ZNF385D: variants seen among roughly 807,000 people sequenced by gnomAD.
ZNF385D encodes zinc finger protein 659.
ZNF385D carries 15 observed loss-of-function variants against 35.8 expected under a neutral mutation model. The observed-to-expected ratio is 0.42, with a 90% CI of 0.28 to 0.64. The LOEUF (loss-of-function observed/expected upper bound fraction) is 0.64, where lower values mean the gene tolerates loss of function less well. Ranked by LOEUF, ZNF385D falls within the 30% of genes least tolerant of loss-of-function variation. The pLI is 0.23. For missense variants in ZNF385D, 474 were observed against 494.6 expected (o/e 0.96, Z 0.39); for synonymous variants, 212 against 186.8 (o/e 1.13, Z -1.10).
At chr3:22,215,224 T>C (rs1331998310) in intron 2 of ZNF385D, among the ~76,000 whole-genome samples, 3 of 151,950 alleles carry the variant, frequency 2.0e-5, no homozygotes, top group African/African-American at 7.3e-5. Flanking sequence ...GTTTGAACAA[T>C]ACGAAATCTG....
chr3:21,815,456 A>G (rs1212207259), intron 3 of ZNF385D, among the ~76,000 whole-genome samples: 1 of 152,206 alleles, frequency 6.6e-6, no homozygotes, highest in African/African-American at 2.4e-5. Flanking sequence ...TAAAGAAGAA[A>G]AGAGAGAAGA....
intron 3 of ZNF385D, among the ~76,000 whole-genome samples, chr3:21,805,300 T>A (rs1328474221): frequency 6.7e-6 from 1 of 148,918 alleles, no homozygotes; most frequent in Non-Finnish European, 1.5e-5. Flanking sequence ...AGATTTCTTG[T>A]AAATGTGGGT....
intron 3 of ZNF385D, among the ~76,000 whole-genome samples, chr3:21,778,559 C>T (rs887940627): frequency 6.6e-6 from 1 of 151,782 alleles, no homozygotes; most frequent in African/African-American, 2.4e-5. Context: ...GAGCATGGTT[C>T]GCGAAAAACA....
intron 2 of ZNF385D, among the ~76,000 whole-genome samples, chr3:22,352,061 A>G (rs952825088): frequency 6.6e-6 from 1 of 152,198 alleles, no homozygotes; most frequent in African/African-American, 2.4e-5. Context: ...ACCTTTACAC[A>G]GTGGCAAGGA....
At chr3:21,864,302 C>T (rs1697215602) in intron 3 of ZNF385D, among the ~76,000 whole-genome samples, 1 of 152,108 alleles carries the variant, frequency 6.6e-6, no homozygotes, top group Admixed American at 6.6e-5. Context: ...CTTTTCATAT[C>T]AACCCCATTT....
intron 2 of ZNF385D, among the ~76,000 whole-genome samples, chr3:21,663,918 T>TATATATATATATATATATA (rs58884498): frequency 1.6e-5 from 2 of 124,332 alleles, no homozygotes; most frequent in African/African-American, 3.3e-5. Flanking sequence ...TATATATATA[T>TATATATATATATATATATA]TTATTTATTT....
chr3:21,605,735 T>G (rs183909515), intron 2 of ZNF385D, among the ~76,000 whole-genome samples: 1 of 152,176 alleles, frequency 6.6e-6, no homozygotes, highest in African/African-American at 2.4e-5. Flanking sequence ...TTGTTAAATA[T>G]CTCATTTATT....
At chr3:22,207,905 C>T (rs1035592282) in intron 2 of ZNF385D, among the ~76,000 whole-genome samples, 3 of 151,810 alleles carry the variant, frequency 2.0e-5, no homozygotes, top group Non-Finnish European at 4.4e-5. Flanking sequence ...GTCAAAATAG[C>T]TTTGGTCCAA....
At chr3:21,511,402 C>A (rs377426215) in intron 3 of ZNF385D, among the ~76,000 whole-genome samples, 1 of 152,114 alleles carries the variant, frequency 6.6e-6, no homozygotes, top group Non-Finnish European at 1.5e-5. Flanking sequence ...GTAGCTTTCA[C>A]CTTCTTGGCT....
intron 3 of ZNF385D, among the ~76,000 whole-genome samples, chr3:21,765,931 A>T (rs928348535): frequency 6.6e-6 from 1 of 152,054 alleles, no homozygotes; most frequent in African/African-American, 2.4e-5. Flanking sequence ...TACACCTTTA[A>T]TTAATTGGAA....
intron 3 of ZNF385D, among the ~76,000 whole-genome samples, chr3:22,140,554 A>G (rs3849561): frequency 0.49 from 75,047 of 151,882 alleles, 19,318 homozygotes; most frequent in East Asian, 0.81. Context: ...AAGCTAGTAC[A>G]ATCCAAATAA....
At chr3:21,827,841 T>C (rs895621901) in intron 3 of ZNF385D, among the ~76,000 whole-genome samples, 3 of 152,240 alleles carry the variant, frequency 2.0e-5, no homozygotes, top group Non-Finnish European at 4.4e-5. Context: ...TTTCATTAAA[T>C]ACATAGTTCA....
At chr3:22,367,808 C>T (rs141880923) in intron 2 of ZNF385D, among the ~76,000 whole-genome samples, 124 of 152,090 alleles carry the variant, frequency 8.2e-4, no homozygotes, top group African/African-American at 2.9e-3. Flanking sequence ...AAAATCAGAA[C>T]ATATAAGATA....
At chr3:21,603,557 C>T (rs767140324) in intron 2 of ZNF385D, among the ~76,000 whole-genome samples, 2 of 152,138 alleles carry the variant, frequency 1.3e-5, no homozygotes, top group Non-Finnish European at 2.9e-5. Context: ...AGCTAGTTCT[C>T]TATAAGGTAA....
chr3:22,179,376 G>T (rs778517956), intron 2 of ZNF385D, among the ~76,000 whole-genome samples: 1 of 152,270 alleles, frequency 6.6e-6, no homozygotes, highest in East Asian at 1.9e-4. Flanking sequence ...TCATGATTTG[G>T]CTCTCTTGTG....
intron 3 of ZNF385D, among the ~76,000 whole-genome samples, chr3:21,543,457 C>T (rs906814294): frequency 1.3e-5 from 2 of 152,066 alleles, no homozygotes; most frequent in African/African-American, 4.8e-5. Flanking sequence ...TAGCGAGCAG[C>T]AGTTCCCAGC....
chr3:22,037,240 C>T (rs929778357), intron 3 of ZNF385D, among the ~76,000 whole-genome samples: 5 of 139,900 alleles, frequency 3.6e-5, no homozygotes, highest in African/African-American at 1.3e-4. Flanking sequence ...AATGGGATGG[C>T]TGGGTCAAAT....
chr3:21,917,502 G>C (rs1041461367), intron 3 of ZNF385D, among the ~76,000 whole-genome samples: 1 of 152,176 alleles, frequency 6.6e-6, no homozygotes, highest in African/African-American at 2.4e-5. Context: ...TGAAGGACTT[G>C]TATCAAGTGG....
intron 4 of ZNF385D, among the ~76,000 whole-genome samples, chr3:21,454,469 T>C (rs977714786): frequency 6.6e-6 from 1 of 152,270 alleles, no homozygotes; most frequent in East Asian, 1.9e-4. Context: ...ATTTCATTAC[T>C]TGTGTAACAG....
Sources: allele counts gnomAD v4.1 joint callset (sites outside exome capture counted in the v4.1 genomes callset), GRCh38; gene constraint gnomAD v4.1.1; transcripts MANE v1.5; gene names NCBI Gene and HGNC (gene_info 2026-07-23, HGNC 2026-07-21).